The following PATJ variants were observed in gnomAD, a reference collection of about 807,000 sequenced individuals.
PATJ encodes the protein inaD-like protein.
In PATJ, 190 loss-of-function variants were observed where a neutral mutation model predicts 224.9. The ratio of observed to expected loss-of-function variants is 0.84; its 90% CI spans 0.75 to 0.95. The LOEUF is 0.95. PATJ is among the 40% of genes least tolerant of loss of function. PATJ has a pLI of 0.00. For synonymous variants in PATJ, 769 were observed against 820.3 expected (o/e 0.94, Z 1.07); for missense variants, 2,121 against 2,270.3 (o/e 0.93, Z 1.34).
chr1:61,946,883 C>T (rs1678811082), intron 27 of PATJ, among the ~76,000 whole-genome samples: 1 of 152,130 alleles, frequency 6.6e-6, no homozygotes, highest in Admixed American at 6.6e-5. Flanking sequence ...TCAAGTTGGC[C>T]TCATCCTTGG....
chr1:61,787,549 C>T (rs769698797), intron 7 of PATJ, among the ~76,000 whole-genome samples: 2 of 152,172 alleles, frequency 1.3e-5, no homozygotes, highest in Non-Finnish European at 2.9e-5. Flanking sequence ...TTACTTTTCT[C>T]ATTTTGAGCC....
At chr1:61,794,201 C>CA (rs1650537129) in intron 9 of PATJ, among the ~76,000 whole-genome samples, 1 of 147,638 alleles carries the variant, frequency 6.8e-6, no homozygotes, top group Non-Finnish European at 1.5e-5. Context: ...TGTGCCCGGA[C>CA]TTTTTTTTTT....
At chr1:61,800,371 T>C (rs1219886384) in intron 11 of PATJ, among the ~76,000 whole-genome samples, 1 of 152,224 alleles carries the variant, frequency 6.6e-6, no homozygotes, top group Non-Finnish European at 1.5e-5. Context: ...TGGCTACTTA[T>C]ATTCTACTTT....
intron 33 of PATJ, among the ~76,000 whole-genome samples, chr1:62,095,777 A>G (rs997216919): frequency 2.0e-5 from 3 of 152,202 alleles, no homozygotes; most frequent in Non-Finnish European, 4.4e-5. Flanking sequence ...CAAGGCAAAC[A>G]CTGATTAGTG....
intron 14 of PATJ, among the ~76,000 whole-genome samples, chr1:61,821,647 A>G (rs1011217855): frequency 6.6e-6 from 1 of 152,214 alleles, no homozygotes; most frequent in Non-Finnish European, 1.5e-5. Flanking sequence ...ATAGAAGATC[A>G]CAGAGAAGAG....
At chr1:62,043,870 G>A (rs1297303163) in intron 30 of PATJ, among the ~76,000 whole-genome samples, 1 of 151,960 alleles carries the variant, frequency 6.6e-6, no homozygotes, top group Admixed American at 6.6e-5. Context: ...TAGGACTATA[G>A]GCACGCACCA....
intron 30 of PATJ, among the ~76,000 whole-genome samples, chr1:62,039,992 G>A (rs1456096698): frequency 6.6e-6 from 1 of 152,064 alleles, no homozygotes; most frequent in Non-Finnish European, 1.5e-5. Flanking sequence ...ACCTCCTGGT[G>A]AGTGAGGGTT....
chr1:62,008,471 C>G (rs1646229561), intron 28 of PATJ, among the ~76,000 whole-genome samples: 1 of 152,174 alleles, frequency 6.6e-6, no homozygotes, highest in Non-Finnish European at 1.5e-5. Context: ...AACTGGGTAA[C>G]TACTAATCGG....
At chr1:61,905,891 A>T (rs1671787237) in intron 24 of PATJ, among the ~76,000 whole-genome samples, 1 of 152,230 alleles carries the variant, frequency 6.6e-6, no homozygotes, top group South Asian at 2.1e-4. Flanking sequence ...TGGAGATAGT[A>T]TCAGATCCCC....
chr1:62,113,117 A>G (rs1329108887), intron 34 of PATJ, among the ~76,000 whole-genome samples: 5 of 152,228 alleles, frequency 3.3e-5, no homozygotes, highest in African/African-American at 1.2e-4. Flanking sequence ...ATTTGGCTAT[A>G]ATGTCTATTT....
intron 27 of PATJ, among the ~76,000 whole-genome samples, chr1:61,970,083 T>C (rs1348747402): frequency 6.6e-6 from 1 of 151,744 alleles, no homozygotes; most frequent in Non-Finnish European, 1.5e-5. Context: ...TTTTTTTTTG[T>C]TTTTTGTTTT....
At chr1:61,744,541 T>C (rs1237898990) in intron 1 of PATJ, among the ~76,000 whole-genome samples, 4 of 139,664 alleles carry the variant, frequency 2.9e-5, no homozygotes, top group African/African-American at 1.0e-4. Context: ...GAAATACTTA[T>C]GGATAGAACT....
At chr1:62,113,736 T>G (rs80353104) in intron 34 of PATJ, among the ~76,000 whole-genome samples, 1 of 152,240 alleles carries the variant, frequency 6.6e-6, no homozygotes. Flanking sequence ...CCCTTTTATC[T>G]CAATTAAATG....
chr1:62,016,287 A>G (rs569211690), intron 28 of PATJ, among the ~76,000 whole-genome samples: 3 of 152,344 alleles, frequency 2.0e-5, no homozygotes, highest in South Asian at 2.1e-4. Context: ...TCACTTCCAC[A>G]TGCTGTCACA....
chr1:61,781,065 T>C (rs968848485), intron 7 of PATJ, among the ~76,000 whole-genome samples: 1 of 152,198 alleles, frequency 6.6e-6, no homozygotes, highest in Non-Finnish European at 1.5e-5. Flanking sequence ...ATTATAGATA[T>C]GGAAACCATT....
At chr1:62,062,004 G>A (rs1349443498) in intron 31 of PATJ, among the ~76,000 whole-genome samples, 1 of 152,188 alleles carries the variant, frequency 6.6e-6, no homozygotes, top group Non-Finnish European at 1.5e-5. Flanking sequence ...TGGGCACCCA[G>A]GTTGATATCA....
intron 3 of PATJ, among the ~76,000 whole-genome samples, chr1:61,763,984 G>T (rs116384658): frequency 0.014 from 2,085 of 149,514 alleles, 51 homozygotes; most frequent in African/African-American, 0.044. Context: ...GTCTTTTTTT[G>T]TGTGTGTGTG....
At chr1:62,123,527 G>C (rs1436245858) in intron 39 of PATJ, among the ~76,000 whole-genome samples, 1 of 120,302 alleles carries the variant, frequency 8.3e-6, no homozygotes, top group Non-Finnish European at 1.6e-5. Context: ...ACCCAGGCTA[G>C]AGTGCACTGG....
chr1:61,761,115 A>C (rs1226097670), intron 1 of PATJ, among the ~76,000 whole-genome samples: 1 of 152,008 alleles, frequency 6.6e-6, no homozygotes, highest in Non-Finnish European at 1.5e-5. Flanking sequence ...TGTAGCTGGG[A>C]TTACAGGTAC....
Sources: allele counts gnomAD v4.1 joint callset (sites outside exome capture counted in the v4.1 genomes callset), GRCh38; gene constraint gnomAD v4.1.1; transcripts MANE v1.5; gene names NCBI Gene and HGNC (gene_info 2026-07-23, HGNC 2026-07-21).